The following SPON1 variants were observed in gnomAD, a reference collection of about 807,000 sequenced individuals.
SPON1 encodes the protein spondin 1.
Under a neutral mutation model 111.7 loss-of-function variants are expected in SPON1, and 52 were observed. The ratio of observed to expected loss-of-function variants is 0.47; its 90% CI spans 0.37 to 0.59. The LOEUF is 0.59. SPON1 is among the 20% of genes least tolerant of loss of function. SPON1 has a pLI of 0.00. For missense variants in SPON1, 957 were observed against 1,068.5 expected (o/e 0.90, Z 1.46); for synonymous variants, 410 against 395.8 (o/e 1.04, Z -0.43).
At chr11:14,222,251 T>A (rs1045531432) in intron 6 of SPON1, among the ~76,000 whole-genome samples, 13 of 152,226 alleles carry the variant, frequency 8.5e-5, no homozygotes, top group African/African-American at 2.9e-4. Flanking sequence ...CTCATCAAGT[T>A]GTGACATAAG....
At chr11:14,161,067 C>CTATATATTTATATATATTTATATATATT (rs1554931180) in intron 6 of SPON1, among the ~76,000 whole-genome samples, 1 of 15,620 alleles carries the variant, frequency 6.4e-5, no homozygotes. Flanking sequence ...TTATATATAT[C>CTATATATTTATATATATTTATATATATT]TATAATTTTT....
chr11:14,087,263 C>A (rs1849014392), intron 5 of SPON1, among the ~76,000 whole-genome samples: 1 of 152,184 alleles, frequency 6.6e-6, no homozygotes, highest in Non-Finnish European at 1.5e-5. Context: ...ATCTTTCCTG[C>A]TTTCTGATGT....
chr11:14,246,505 A>G (rs1470511289), intron 7 of SPON1, among the ~76,000 whole-genome samples: 2 of 152,180 alleles, frequency 1.3e-5, no homozygotes, highest in African/African-American at 2.4e-5. Context: ...TCATTTTCCC[A>G]TGTCTAAATT....
intron 14 of SPON1, chr11:14,262,468 CTT>C: frequency 1.8e-6 from 1 of 567,214 alleles, no homozygotes; most frequent in Middle Eastern, 4.7e-4. Context: ...CCAAAGCCTT[CTT>C]GAGTCATAGA....
intron 1 of SPON1, among the ~76,000 whole-genome samples, chr11:13,963,787 T>C (rs782006117): frequency 6.6e-6 from 1 of 152,124 alleles, no homozygotes; most frequent in Non-Finnish European, 1.5e-5. Flanking sequence ...CCAGACGAGA[T>C]AGAGTATCTT....
At chr11:14,187,171 G>A (rs1848294060) in intron 6 of SPON1, among the ~76,000 whole-genome samples, 1 of 152,106 alleles carries the variant, frequency 6.6e-6, no homozygotes, top group Admixed American at 6.5e-5. Flanking sequence ...ACAACCAGCT[G>A]TCCTGTGAAC....
chr11:13,979,930 T>C (rs1554909407), intron 1 of SPON1, among the ~76,000 whole-genome samples: 1 of 152,186 alleles, frequency 6.6e-6, no homozygotes, highest in African/African-American at 2.4e-5. Flanking sequence ...TGTCTGTCCT[T>C]CAGAGATTCC....
intron 5 of SPON1, among the ~76,000 whole-genome samples, chr11:14,131,012 CATGTTAACTATTGTT>C (rs1847521899): frequency 6.6e-6 from 1 of 152,176 alleles, no homozygotes. Context: ...CAGCTTAATA[CATGTTAACTATTGTT>C]ATGTCATTCT....
At chr11:14,147,911 A>G (rs1847742248) in intron 6 of SPON1, among the ~76,000 whole-genome samples, 1 of 152,214 alleles carries the variant, frequency 6.6e-6, no homozygotes, top group African/African-American at 2.4e-5. Context: ...TTTAGATATT[A>G]TAAATGATGT....
intron 3 of SPON1, among the ~76,000 whole-genome samples, chr11:14,043,773 A>C (rs1554917574): frequency 6.6e-6 from 1 of 152,232 alleles, no homozygotes; most frequent in African/African-American, 2.4e-5. Flanking sequence ...GGAAGCCAGA[A>C]AGGCATCTCT....
At chr11:14,106,950 T>A (rs1849189451) in intron 5 of SPON1, among the ~76,000 whole-genome samples, 1 of 152,146 alleles carries the variant, frequency 6.6e-6, no homozygotes, top group Non-Finnish European at 1.5e-5. Flanking sequence ...AGGGAACACA[T>A]GAAGAAAGGC....
chr11:14,252,129 C>A (rs1210717787), intron 7 of SPON1, among the ~76,000 whole-genome samples: 1 of 152,214 alleles, frequency 6.6e-6, no homozygotes, highest in Non-Finnish European at 1.5e-5. Flanking sequence ...TTTGTTCAGT[C>A]GGCCCACTGG....
intron 2 of SPON1, among the ~76,000 whole-genome samples, chr11:13,983,281 T>C (rs1159742008): frequency 1.3e-5 from 2 of 152,176 alleles, no homozygotes; most frequent in African/African-American, 2.4e-5. Flanking sequence ...CATTTCGTGA[T>C]TGACTGGTTA....
At chr11:14,121,437 T>A (rs1044456485) in intron 5 of SPON1, among the ~76,000 whole-genome samples, 7 of 152,048 alleles carry the variant, frequency 4.6e-5, no homozygotes, top group Non-Finnish European at 5.9e-5. Context: ...GTGGAGAAAA[T>A]AAGCTCGGGT....
intron 5 of SPON1, among the ~76,000 whole-genome samples, chr11:14,103,308 T>C (rs564793599): frequency 3.9e-5 from 6 of 152,330 alleles, no homozygotes; most frequent in Admixed American, 3.9e-4. Flanking sequence ...TGAAGAAGTG[T>C]ATACCCAGTG....
intron 2 of SPON1, among the ~76,000 whole-genome samples, chr11:14,027,609 A>G (rs1848528292): frequency 6.6e-6 from 1 of 152,216 alleles, no homozygotes; most frequent in Admixed American, 6.5e-5. Context: ...CCATTAGTGT[A>G]TAAGAGACAT....
Position 14,141,029 on chromosome 11 carries a change from C to CCCGCA in SPON1, c.825+5461_825+5462insCCGCA, listed in dbSNP as rs71041572. ...CCACTGTATGCAGGCGTGCCCCCCC[C>CCCGCA]ATGCCCCACTTCTCACTGGCTCAAG... On this transcript the variant is annotated intron_variant, in intron 6 of 15. Coordinates refer to ENST00000576479, the MANE Select transcript of SPON1 (RefSeq NM_006108.4). Among the ~76,000 whole-genome samples, 2 of 132,274 alleles carry CCCGCA rather than the reference C, an allele frequency of 1.5e-5. 1 individual carries two copies. The highest frequency in any genetic ancestry group is 5.0e-4 in the South Asian group (2 of 3,996). 86.8% of individuals were successfully genotyped at this position (132,274 alleles called of 152,430 possible). A position where few individuals can be genotyped will look rare whatever the true frequency, so the allele number is the denominator to read the frequency against.
chr11:14,084,058 A>C (rs1466937007), intron 5 of SPON1, among the ~76,000 whole-genome samples: 2 of 152,216 alleles, frequency 1.3e-5, no homozygotes, highest in African/African-American at 4.8e-5. Context: ...AGTCACACAG[A>C]AAAAATAAAA....
At chr11:13,990,399 T>C in intron 2 of SPON1, among the ~76,000 whole-genome samples, 1 of 118,344 alleles carries the variant, frequency 8.4e-6, no homozygotes, top group African/African-American at 3.5e-5. Flanking sequence ...TTTTTTTTTT[T>C]TTTTTTTTGC....
Sources: allele counts gnomAD v4.1 joint callset (sites outside exome capture counted in the v4.1 genomes callset), GRCh38; gene constraint gnomAD v4.1.1; transcripts MANE v1.5; gene names NCBI Gene and HGNC (gene_info 2026-07-23, HGNC 2026-07-21).